The following FARP1 variants were observed in gnomAD, a reference collection of about 807,000 sequenced individuals.
FARP1 encodes the protein FERM, ARH/RhoGEF and pleckstrin domain protein 1, also known as FERM, ARHGEF and pleckstrin domain-containing protein 1.
Under a neutral mutation model 128.8 loss-of-function variants are expected in FARP1, and 52 were observed. That is an observed-to-expected ratio of 0.40 (90% confidence interval 0.32 to 0.51). The LOEUF (loss-of-function observed/expected upper bound fraction) is 0.51, where lower values mean the gene tolerates loss of function less well. Ranked by LOEUF, FARP1 falls within the 20% of genes least tolerant of loss-of-function variation. The pLI, the probability that FARP1 is intolerant of heterozygous loss-of-function variation, is 0.45. For missense variants in FARP1, 1,333 were observed against 1,367.9 expected (o/e 0.97, Z 0.40); for synonymous variants, 580 against 551.8 (o/e 1.05, Z -0.72).
chr13:98,362,513 C>T lies in FARP1; in HGVS notation c.277-2882C>T, dbSNP rs538765098. ...CATGATGTCCATGACACAGTTCTCT[C>T]CTTCCTTTACTTCACGCCTCCTCTG... On this transcript the variant is annotated intron_variant, in intron 3 of 26. Coordinates refer to ENST00000319562, the MANE Select transcript of FARP1 (RefSeq NM_005766.4). Among the ~76,000 whole-genome samples the T allele has an allele frequency of 3.3e-5, 5 of 152,294 alleles. No individual in the cohort carries two copies. In the South Asian group the frequency reaches 8.3e-4, roughly 25 times the overall value.
At chr13:98,259,590 GC>G (rs1166586492) in intron 2 of FARP1, among the ~76,000 whole-genome samples, 1 of 152,118 alleles carries the variant, frequency 6.6e-6, no homozygotes, top group Non-Finnish European at 1.5e-5. Context: ...CTTCACAGAG[GC>G]TTACAGTGTT....
At chr13:98,232,163 T>TTTTTTTTTTTTTTC (rs1882166921) in intron 2 of FARP1, among the ~76,000 whole-genome samples, 1 of 149,386 alleles carries the variant, frequency 6.7e-6, no homozygotes, top group African/African-American at 2.5e-5. Context: ...TTTTTTTTTT[T>TTTTTTTTTTTTTTC]TTTGCTTAAC....
At chr13:98,260,765 G>A (rs1370356137) in intron 2 of FARP1, among the ~76,000 whole-genome samples, 2 of 152,234 alleles carry the variant, frequency 1.3e-5, no homozygotes, top group Non-Finnish European at 2.9e-5. Context: ...GTCCTGCCAA[G>A]AAGCTGACCA....
At chr13:98,251,058 T>C (rs1282550812) in intron 2 of FARP1, among the ~76,000 whole-genome samples, 2 of 152,248 alleles carry the variant, frequency 1.3e-5, no homozygotes, top group Non-Finnish European at 2.9e-5. Flanking sequence ...AATACATAAA[T>C]ATGTTTATTC....
intron 2 of FARP1, among the ~76,000 whole-genome samples, chr13:98,340,462 A>T (rs766348308): frequency 5.3e-5 from 8 of 152,018 alleles, no homozygotes; most frequent in Non-Finnish European, 1.0e-4. Context: ...TTCCTGCCTC[A>T]GCCTCCTGAG....
chr13:98,313,282 T>G (rs1594389351), intron 2 of FARP1, among the ~76,000 whole-genome samples: 1 of 106,126 alleles, frequency 9.4e-6, no homozygotes, highest in Admixed American at 1.0e-4. Context: ...CACTCTGGAA[T>G]CGGGTGGGTC....
chr13:98,368,273 C>A, intron 5 of FARP1, 78 bp downstream of exon 5: 1 of 1,024,402 alleles, frequency 9.8e-7, no homozygotes, highest in Non-Finnish European at 1.5e-6. Context: ...CAATTGATGA[C>A]ACAAACATTT....
intron 2 of FARP1, among the ~76,000 whole-genome samples, chr13:98,310,247 G>A (rs961469117): frequency 6.6e-6 from 1 of 152,068 alleles, no homozygotes; most frequent in African/African-American, 2.4e-5. Context: ...CAGAGAGGCA[G>A]GTCGCCTCTG....
chr13:98,387,225 T>A (rs1393104266), intron 8 of FARP1, among the ~76,000 whole-genome samples: 1 of 152,082 alleles, frequency 6.6e-6, no homozygotes, highest in Admixed American at 6.6e-5. Flanking sequence ...CGCTTGAATT[T>A]GGGAAGCAGA....
Position 98,395,226 on chromosome 13 carries a change from G to C in FARP1, c.1165-1G>C. Reference sequence around the variant, plus strand: ...CGCACCTTTTTCCCCACCCCACCCAGTCTCAGCAGAGCACCAGCCTTACAT... The same window carrying C: ...CGCACCTTTTTCCCCACCCCACCCACTCTCAGCAGAGCACCAGCCTTACAT... On this transcript the variant is annotated splice_acceptor_variant, in intron 12 of 26. Coordinates refer to ENST00000319562, the MANE Select transcript of FARP1 (RefSeq NM_005766.4). LOFTEE classifies it high-confidence loss of function. 1 of 1,590,858 alleles carries C rather than the reference G, an allele frequency of 6.3e-7. No individual in the cohort carries two copies. The highest frequency in any genetic ancestry group is 8.6e-7 in the Non-Finnish European group (1 of 1,161,598).
chr13:98,284,540 A>G (rs867105610), intron 2 of FARP1, among the ~76,000 whole-genome samples: 2 of 152,132 alleles, frequency 1.3e-5, no homozygotes, highest in African/African-American at 2.4e-5. Flanking sequence ...GATATTTGGG[A>G]AAAAAAATAG....
chr13:98,295,418 TC>T (rs1885643475), intron 2 of FARP1, among the ~76,000 whole-genome samples: 1 of 152,166 alleles, frequency 6.6e-6, no homozygotes, highest in African/African-American at 2.4e-5. Context: ...CTATTCTTGC[TC>T]CGTGGGGGAA....
At chr13:98,435,497 A>C in intron 18 of FARP1, 79 bp from the exon 19 acceptor site, 2 of 1,443,590 alleles carry the variant, frequency 1.4e-6, no homozygotes, top group South Asian at 2.7e-5. Flanking sequence ...ATTTCCCTGC[A>C]GCGTTGAGCT....
chr13:98,360,361 G>C (rs1419246423), intron 3 of FARP1, among the ~76,000 whole-genome samples: 1 of 152,212 alleles, frequency 6.6e-6, no homozygotes, highest in Non-Finnish European at 1.5e-5. Flanking sequence ...CTCCCAAAGT[G>C]CTAGGATTAC....
intron 1 of FARP1, among the ~76,000 whole-genome samples, chr13:98,200,662 A>G (rs371946950): frequency 7.9e-5 from 12 of 152,254 alleles, no homozygotes; most frequent in African/African-American, 2.6e-4. Context: ...GCTCCCAGGT[A>G]AGGGAGACCC....
chr13:98,284,004 C>CAA (rs2139635895), intron 2 of FARP1, among the ~76,000 whole-genome samples: 1 of 152,310 alleles, frequency 6.6e-6, no homozygotes, highest in African/African-American at 2.4e-5. Context: ...GTTTGCTCCT[C>CAA]AGTTGCACTG....
chr13:98,222,375 T>A (rs2139366500), intron 2 of FARP1, among the ~76,000 whole-genome samples: 1 of 152,306 alleles, frequency 6.6e-6, no homozygotes, highest in Admixed American at 6.5e-5. Flanking sequence ...GCCCGTACAT[T>A]ATCTCATTTG....
rs181721614 is a variant in FARP1, at chr13:98,313,495, G to C, written c.172-30267G>C. Among the ~76,000 whole-genome samples, 808 of 152,328 alleles carry C rather than the reference G, an allele frequency of 5.3e-3. 4 individuals are homozygous for C. Among genetic ancestry groups the C allele is most frequent in the Middle Eastern group, 0.037 (11 of 294 alleles). On this transcript the variant is annotated intron_variant, in intron 2 of 26. Coordinates refer to ENST00000319562, the MANE Select transcript of FARP1 (RefSeq NM_005766.4). ...TCTCCCAGAACCTTCAGGAGGAACC[G>C]GCCCTGCTAATGCCTTGACCTTGGA...
intron 1 of FARP1, among the ~76,000 whole-genome samples, chr13:98,185,844 C>T (rs1325825286): frequency 6.6e-6 from 1 of 151,398 alleles, no homozygotes; most frequent in African/African-American, 2.4e-5. Context: ...ATTATAGGTG[C>T]GTGCCACCAT....
Sources: gnomAD v4.1 joint callset for allele counts (sites outside exome capture counted in the v4.1 genomes callset) on GRCh38, gnomAD v4.1.1 for gene constraint, MANE v1.5 for transcripts, NCBI Gene and HGNC (gene_info 2026-07-23, HGNC 2026-07-21) for gene names.